WWC1: variants seen among roughly 807,000 people sequenced by gnomAD.
The protein encoded by WWC1 is protein KIBRA.
Under a neutral mutation model 138.4 loss-of-function variants are expected in WWC1, and 55 were observed. That is an observed-to-expected ratio of 0.40 (90% CI 0.32 to 0.50). WWC1 has a LOEUF of 0.50. WWC1 is among the 20% of genes least tolerant of loss of function. The pLI is 0.72. For synonymous variants in WWC1, 524 were observed against 564.9 expected, an observed-to-expected ratio of 0.93 and a Z score of 1.03; for missense variants, 1,226 against 1,420.4, an observed-to-expected ratio of 0.86 and a Z score of 2.20.
At chr5:168,391,758 GGCATATATATATATATATATATAT>G (rs1377142578) in intron 3 of WWC1, among the ~76,000 whole-genome samples, 2 of 72,432 alleles carry the variant, frequency 2.8e-5, no homozygotes, top group Non-Finnish European at 5.0e-5. Flanking sequence ...ATATTTTTAA[GGCATATATATATATATATATATAT>G]ATATATATAT....
intron 15 of WWC1, among the ~76,000 whole-genome samples, chr5:168,435,640 G>A (rs554942970): frequency 4.7e-4 from 71 of 152,082 alleles, no homozygotes; most frequent in African/African-American, 1.6e-3. Context: ...TGAACTCCTG[G>A]GCTCAGGCAG....
intron 1 of WWC1, among the ~76,000 whole-genome samples, chr5:168,298,849 C>T (rs1200372600): frequency 2.0e-5 from 3 of 152,042 alleles, no homozygotes; most frequent in East Asian, 1.9e-4. Flanking sequence ...TTTGGGAGGT[C>T]GAGGTGGGTG....
intron 8 of WWC1, chr5:168,412,104 T>C: frequency 1.0e-6 from 1 of 985,432 alleles, no homozygotes; most frequent in Non-Finnish European, 1.2e-6. Flanking sequence ...ATCTGTTCCA[T>C]CCTGCAGGAA....
intron 3 of WWC1, among the ~76,000 whole-genome samples, chr5:168,391,333 A>C (rs1413367472): frequency 6.6e-6 from 1 of 152,320 alleles, no homozygotes; most frequent in East Asian, 1.9e-4. Flanking sequence ...CCAGGAGTCC[A>C]GTCCAGGCAA....
intron 21 of WWC1, 31 bp downstream of exon 21, chr5:168,464,993 T>G (rs1454602199): frequency 1.2e-6 from 2 of 1,609,778 alleles, no homozygotes; most frequent in Non-Finnish European, 1.7e-6. Context: ...AGGGGAGCCC[T>G]GCGCTCTGCC....
chr5:168,427,548 A>ATTTTTTTTTTTTTTT (rs34177139), intron 11 of WWC1, among the ~76,000 whole-genome samples: 8 of 101,150 alleles, frequency 7.9e-5, no homozygotes, highest in Admixed American at 1.1e-4. Flanking sequence ...CTTTTTTTTA[A>ATTTTTTTTTTTTTTT]TTTTTTTTTT....
intron 1 of WWC1, among the ~76,000 whole-genome samples, chr5:168,350,267 C>T (rs1177538568): frequency 6.6e-6 from 1 of 152,160 alleles, no homozygotes; most frequent in Non-Finnish European, 1.5e-5. Flanking sequence ...ATTCATGGCT[C>T]AGATGGAAGT....
intron 1 of WWC1, among the ~76,000 whole-genome samples, chr5:168,338,569 G>A (rs922312073): frequency 6.6e-6 from 1 of 151,554 alleles, no homozygotes; most frequent in Non-Finnish European, 1.5e-5. Context: ...GCACCACCAC[G>A]CCCGGCTAAT....
Position 168,292,371 on chromosome 5 carries a change from C to G in WWC1, c.119+100C>G, listed in dbSNP as rs1769127942. The G allele has an allele frequency of 4.4e-6, 6 of 1,376,572 alleles. No individual in the cohort carries two copies. The South Asian group carries it at 7.9e-5, about 18-fold the overall frequency. The allele number at this position is 1,376,572 out of a possible 1,614,324, so 85.3% of individuals were successfully genotyped here. A position where few individuals can be genotyped will look rare whatever the true frequency, so the allele number is the denominator to read the frequency against. On this transcript the variant is annotated intron_variant, in intron 1 of 22. Coordinates refer to ENST00000265293, the MANE Select transcript of WWC1 (RefSeq NM_015238.3). This position sits in a 1 kb window ranked among gnomAD's most constrained non-coding sequence, Gnocchi z 4.4. ...GGGACTGGGAGGGGGCAGGGGAGCT[C>G]TGCGTGCCTCTTGAGCTCTCTTCAG...
chr5:168,307,490 G>C (rs1490640557), intron 1 of WWC1, among the ~76,000 whole-genome samples: 1 of 151,924 alleles, frequency 6.6e-6, no homozygotes, highest in Non-Finnish European at 1.5e-5. Context: ...AACAAGGTGA[G>C]TGAGCTCTTT....
intron 2 of WWC1, among the ~76,000 whole-genome samples, chr5:168,378,584 T>G (rs1400730673): frequency 1.3e-5 from 2 of 152,244 alleles, no homozygotes; most frequent in Non-Finnish European, 2.9e-5. Context: ...GAAAATTCAT[T>G]TCCAAGTATA....
chr5:168,373,852 C>T (rs1776955133), intron 2 of WWC1, among the ~76,000 whole-genome samples: 1 of 149,272 alleles, frequency 6.7e-6, no homozygotes, highest in Admixed American at 6.7e-5. Context: ...CGAGACCATT[C>T]TGGCTAACAG....
intron 17 of WWC1, among the ~76,000 whole-genome samples, chr5:168,451,649 G>A (rs1459490883): frequency 6.6e-6 from 1 of 152,150 alleles, no homozygotes; most frequent in Non-Finnish European, 1.5e-5. Flanking sequence ...AGGCGACAGT[G>A]AGCTATGATC....
Position 168,467,969 on chromosome 5 carries a change from G to T in WWC1, c.3275+5G>T. The T allele has an allele frequency of 6.2e-7, 1 of 1,614,074 alleles. No homozygotes were observed. The highest frequency in any genetic ancestry group is 8.5e-7 in the Non-Finnish European group (1 of 1,179,924). On this transcript the variant is annotated splice_donor_5th_base_variant and intron_variant, in intron 22 of 22. Transcript: ENST00000265293. ...CCCAGAAGTTCAGTCTTTCAGGTAA[G>T]CAGAGGGCCCCGGCAGCCCCCCATC...
At chr5:168,465,773 G>C (rs1458241265) in intron 21 of WWC1, among the ~76,000 whole-genome samples, 2 of 151,894 alleles carry the variant, frequency 1.3e-5, no homozygotes, top group African/African-American at 4.8e-5. Context: ...GCCCAGGCTG[G>C]TCTCGAACTC....
At position 168,423,149 on chromosome 5, in the gene WWC1, C is replaced by CAAAAA. The variant is rs773855632; in HGVS notation, c.1275-365_1275-361dup. ...GACAGAGCAAGACTCCATCCCCCCC[C>CAAAAA]AAAAAAAAAAAAAAAAAAAAAAACA... On this transcript the variant is annotated intron_variant, in intron 10 of 22. Coordinates refer to ENST00000265293, the MANE Select transcript of WWC1 (RefSeq NM_015238.3). Among the ~76,000 whole-genome samples the CAAAAA allele has an allele frequency of 5.6e-5, 4 of 71,298 alleles. 1 individual carries two copies. Among genetic ancestry groups the CAAAAA allele is most frequent in the Non-Finnish European group, 7.6e-5 (3 of 39,386 alleles). The allele number at this position is 71,298 out of a possible 152,430, so 46.8% of individuals were successfully genotyped here.
chr5:168,371,603 C>A, intron 2 of WWC1, 70 bp downstream of exon 2: 1 of 1,175,664 alleles, frequency 8.5e-7, no homozygotes, highest in Non-Finnish European at 1.2e-6. Context: ...ATCCTCCCTC[C>A]AAGTCTGGAA....
At chr5:168,337,813 C>T (rs1773624040) in intron 1 of WWC1, among the ~76,000 whole-genome samples, 1 of 152,172 alleles carries the variant, frequency 6.6e-6, no homozygotes, top group Non-Finnish European at 1.5e-5. Context: ...GACTCAGTCA[C>T]ACAAGAGGGT....
At position 168,399,577 on chromosome 5, in the gene WWC1, C is replaced by A; in HGVS notation, c.590+10C>A. On this transcript the variant is annotated intron_variant, in intron 5 of 22. Coordinates refer to ENST00000265293, the MANE Select transcript of WWC1 (RefSeq NM_015238.3). Reference sequence around the variant, plus strand: ...TTCAGACCCTGAAGAAGTAAGTACACCCTGCATCCCAGAGCATGGGGGCTG... The same window carrying A: ...TTCAGACCCTGAAGAAGTAAGTACAACCTGCATCCCAGAGCATGGGGGCTG... 2 of 1,613,882 alleles carry A rather than the reference C, an allele frequency of 1.2e-6. No homozygotes were observed. The highest frequency in any genetic ancestry group is 1.7e-6 in the Non-Finnish European group (2 of 1,179,896).
Sources: gnomAD v4.1 joint callset for allele counts (sites outside exome capture counted in the v4.1 genomes callset) on GRCh38, gnomAD v4.1.1 for gene constraint, Gnocchi (gnomAD v3.1) non-coding constraint, MANE v1.5 for transcripts, NCBI Gene and HGNC (gene_info 2026-07-23, HGNC 2026-07-21) for gene names.